Variants in CRISP1 observed in about 807,000 individuals in gnomAD.
CRISP1 encodes cysteine rich secretory protein 1, also known as cysteine-rich secretory protein 1.
In CRISP1, 44 loss-of-function variants were observed where a neutral mutation model predicts 33.1. That is an observed-to-expected ratio of 1.33 (90% confidence interval 1.05 to 1.71). CRISP1 has a LOEUF of 1.71. CRISP1 is among the 40% of genes most tolerant of loss of function. The probability of loss-of-function intolerance (pLI) is 0.00; values close to 1 mark genes in which losing one functional copy is unlikely to be tolerated. For missense variants in CRISP1, 390 were observed against 301.2 expected (o/e 1.29, Z -2.18); for synonymous variants, 103 against 98.7 (o/e 1.04, Z -0.26).
chr6:49,846,812 C>T (rs567199113), intron 4 of CRISP1, 144 bp from the exon 5 acceptor site: 14 of 768,430 alleles, frequency 1.8e-5, no homozygotes, highest in Non-Finnish European at 2.4e-5. Context: ...GTTGTATCCC[C>T]ACTGAAAATC....
In CRISP1 at chr6:49,835,261, A is replaced by G. The variant is rs1053795326; in HGVS notation, c.*55T>C. On this transcript the variant is annotated 3_prime_UTR_variant, in exon 8 of 8. Transcript: ENST00000335847. ...GAACTATAGCAAAAGACATGAATCC[A>G]ACAGACATCTCCTCCTCATCGTCAC... 6.3e-7 allele frequency: 1 copy of G among 1,581,326 alleles called. No homozygotes were observed. Among genetic ancestry groups the G allele is most frequent in the Non-Finnish European group, 8.6e-7 (1 of 1,161,468 alleles).
upstream of CRISP1, among the ~76,000 whole-genome samples, chr6:49,870,250 T>C (rs1771891753): frequency 6.6e-6 from 1 of 152,184 alleles, no homozygotes; most frequent in Admixed American, 6.6e-5. Flanking sequence ...GGAATTTGTG[T>C]CAGCTAGGAT....
chr6:49,835,085 A>G lies in CRISP1; in HGVS notation c.*231T>C. The G allele has an allele frequency of 2.5e-6, 1 of 394,926 alleles. No homozygotes were observed. Among genetic ancestry groups the G allele is most frequent in the Non-Finnish European group, 4.5e-6 (1 of 223,502 alleles). The allele number at this position is 394,926 out of a possible 1,614,324, so 24.5% of individuals were successfully genotyped here. On this transcript the variant is annotated 3_prime_UTR_variant, in exon 8 of 8. Coordinates refer to ENST00000335847, the MANE Select transcript of CRISP1 (RefSeq NM_001131.3). ...GAATTATGCCAACTTAAAAACTATA[A>G]ATCACATGATTTAAATTTAAGGCAG...
At position 49,835,289 on chromosome 6, in the gene CRISP1, C is replaced by T. The variant is rs762058599; in HGVS notation, c.*27G>A. On this transcript the variant is annotated 3_prime_UTR_variant, in exon 8 of 8. Transcript: ENST00000335847. ...AGACATCTCCTCCTCATCGTCACAG[C>T]ATAGAACAGTTGAAAATAACAAAGA... 1.2e-6 allele frequency: 2 copies of T among 1,611,446 alleles called. No individual in the cohort carries two copies. The highest frequency in any genetic ancestry group is 2.2e-5 in the East Asian group (1 of 44,774).
At position 49,855,394 on chromosome 6, in the gene CRISP1, ACT is replaced by A. The variant is rs541919982; in HGVS notation, c.66+1939_66+1940del. Among the ~76,000 whole-genome samples the A allele has an allele frequency of 7.1e-3, 1,076 of 151,550 alleles. 16 individuals are homozygous for A. The highest frequency in any genetic ancestry group is 0.025 in the African/African-American group (1,047 of 41,296). On this transcript the variant is annotated intron_variant, in intron 2 of 7. Coordinates refer to ENST00000335847, the MANE Select transcript of CRISP1 (RefSeq NM_001131.3). ...AAAATCTTTAACAAGGCCTTTGAAT[ACT>A]CTGTTTATTCTCAGCCTCTATTTAG... is the stretch of plus-strand genomic sequence containing the variant.
chr6:49,868,570 G>A (rs996529329), upstream of CRISP1, among the ~76,000 whole-genome samples: 8 of 152,102 alleles, frequency 5.3e-5, no homozygotes, highest in Non-Finnish European at 8.8e-5. Context: ...CATGTTGAAG[G>A]AAGCATTCAT....
At chr6:49,850,544 G>A (rs1771316353) in intron 3 of CRISP1, among the ~76,000 whole-genome samples, 2 of 151,824 alleles carry the variant, frequency 1.3e-5, no homozygotes, top group South Asian at 4.2e-4. Flanking sequence ...TAACTCTTCA[G>A]TCCTATTGTT....
In CRISP1 at chr6:49,851,906, C is replaced by G. The variant is rs1182084987; in HGVS notation, c.195+95G>C. On this transcript the variant is annotated intron_variant, in intron 3 of 7. Transcript: ENST00000335847. The stretch of plus-strand genomic sequence containing the variant: ...TAAAAGATTTGTTGTGAAGATAAAA[C>G]TTTTAGCACTTTGAAAGTGCATAGA... 7 of 1,411,064 alleles carry G rather than the reference C, an allele frequency of 5.0e-6. No homozygotes were observed. In the East Asian group the frequency reaches 9.5e-5, roughly 19 times the overall value. The allele number at this position is 1,411,064 out of a possible 1,614,324, so 87.4% of individuals were successfully genotyped here.
At chr6:49,875,030 A>G (rs564773713) in intron 1 of CRISP1, among the ~76,000 whole-genome samples, 1 of 152,052 alleles carries the variant, frequency 6.6e-6, no homozygotes. Context: ...CAATACTCCT[A>G]TTCAACATAT....
At chr6:49,844,158 G>C (rs1771082494) in intron 5 of CRISP1, among the ~76,000 whole-genome samples, 1 of 152,126 alleles carries the variant, frequency 6.6e-6, no homozygotes, top group South Asian at 2.1e-4. Context: ...TTTCAAAAGA[G>C]AATCCTAAGG....
At chr6:49,873,857 T>C (rs1168347364) in intron 1 of CRISP1, among the ~76,000 whole-genome samples, 1 of 152,026 alleles carries the variant, frequency 6.6e-6, no homozygotes, top group East Asian at 1.9e-4. Flanking sequence ...TTCATTTCAG[T>C]GAATCAGAAC....
chr6:49,857,340 T>G lies in CRISP1; in HGVS notation c.61A>C (p.Met21Leu), dbSNP rs758721480. 6.2e-7 allele frequency: 1 copy of G among 1,612,806 alleles called. No individual in the cohort carries two copies. The highest frequency in any genetic ancestry group is 1.3e-5 in the African/African-American group (1 of 74,990). Residue 21 changes from methionine to leucine, a missense_variant, in exon 2 of 8, where the codon ATG becomes CTG. By Grantham distance (15) the Met-to-Leu change is conservative. Coordinates refer to ENST00000335847, the MANE Select transcript of CRISP1 (RefSeq NM_001131.3). ...AAACLLPMLS[M>L]KKKSARDQFN... is the part of the protein sequence containing the mutation. The stretch of plus-strand genomic sequence containing the variant: ...AACATCCAACCCTCACATACTTTCA[T>G]GGACAACATAGGCAGTAAGCAAGCA...
At chr6:49,857,579 T>C (rs572338102) in intron 1 of CRISP1, among the ~76,000 whole-genome samples, 177 bp from the exon 2 acceptor site, 2 of 152,266 alleles carry the variant, frequency 1.3e-5, no homozygotes, top group South Asian at 2.1e-4. Context: ...GGCAGGACTG[T>C]TGTTTGAAGA....
intron 7 of CRISP1, among the ~76,000 whole-genome samples, 170 bp from the exon 8 acceptor site, chr6:49,835,613 T>A (rs1381627645): frequency 5.3e-5 from 8 of 152,228 alleles, no homozygotes; most frequent in Admixed American, 5.2e-4. Context: ...GATAAGATCA[T>A]GTATGAAAAG....
chr6:49,862,496 T>A (rs1228396772), intron 1 of CRISP1, among the ~76,000 whole-genome samples: 4 of 152,132 alleles, frequency 2.6e-5, no homozygotes, highest in Non-Finnish European at 5.9e-5. Context: ...TTTTATGATA[T>A]AAGATATTTG....
intron 3 of CRISP1, 30 bp downstream of exon 3, chr6:49,851,971 A>G (rs371336272): frequency 1.9e-5 from 31 of 1,594,768 alleles, no homozygotes; most frequent in East Asian, 1.3e-4. Flanking sequence ...TATTATTGCA[A>G]TCATGGTTGT....
chr6:49,842,606 C>T (rs1771030216), intron 5 of CRISP1, among the ~76,000 whole-genome samples: 1 of 152,114 alleles, frequency 6.6e-6, no homozygotes, highest in Non-Finnish European at 1.5e-5. Flanking sequence ...ACTGGGCCTG[C>T]TGTCATGGGC....
chr6:49,875,602 G>A (rs1306908295), intron 1 of CRISP1, among the ~76,000 whole-genome samples: 2 of 152,006 alleles, frequency 1.3e-5, no homozygotes, highest in African/African-American at 4.8e-5. Flanking sequence ...AAAATTCTCA[G>A]CATAAAGAAC....
chr6:49,856,103 A>T (rs1028401511), intron 2 of CRISP1, among the ~76,000 whole-genome samples: 15 of 152,112 alleles, frequency 9.9e-5, no homozygotes, highest in Admixed American at 2.6e-4. Flanking sequence ...TCAAAAGCGG[A>T]TTGGGTATGG....
Sources: gnomAD v4.1 joint callset for allele counts (sites outside exome capture counted in the v4.1 genomes callset) on GRCh38, gnomAD v4.1.1 for gene constraint, MANE v1.5 for transcripts, NCBI Gene and HGNC (gene_info 2026-07-23, HGNC 2026-07-21) for gene names.